Variants in CCDC60 observed in about 807,000 individuals in gnomAD.
CCDC60 encodes coiled-coil domain containing 60, also known as coiled-coil domain-containing protein 60.
Under a neutral mutation model 63.5 loss-of-function variants are expected in CCDC60, and 54 were observed. The ratio of observed to expected loss-of-function variants is 0.85; its 90% confidence interval spans 0.68 to 1.07. CCDC60 has a LOEUF of 1.07. Ranked by LOEUF, CCDC60 falls within the 50% of genes least tolerant of loss-of-function variation. The pLI is 0.00. For missense variants in CCDC60, 651 were observed against 684.3 expected (o/e 0.95, Z 0.54); for synonymous variants, 206 against 238.8 (o/e 0.86, Z 1.27).
intron 2 of CCDC60, among the ~76,000 whole-genome samples, chr12:119,434,346 T>A (rs1950289085): frequency 6.6e-6 from 1 of 152,214 alleles, no homozygotes; most frequent in South Asian, 2.1e-4. Context: ...CTCATTCATT[T>A]TTTTTTGACA....
At chr12:119,486,291 C>T (rs1285320526) in intron 4 of CCDC60, among the ~76,000 whole-genome samples, 1 of 152,160 alleles carries the variant, frequency 6.6e-6, no homozygotes, top group Non-Finnish European at 1.5e-5. Context: ...AATCCCAGAG[C>T]TTTGGGAGGC....
intron 1 of CCDC60, among the ~76,000 whole-genome samples, chr12:119,339,723 G>C (rs567807911): frequency 6.6e-6 from 1 of 152,254 alleles, no homozygotes; most frequent in Admixed American, 6.5e-5. Context: ...CAGGAGGCTT[G>C]CTTGAGCCCA....
intron 7 of CCDC60, among the ~76,000 whole-genome samples, chr12:119,506,184 C>T (rs1442045480): frequency 6.6e-6 from 1 of 152,100 alleles, no homozygotes; most frequent in East Asian, 1.9e-4. Flanking sequence ...CACAAACTTG[C>T]TTTCTGTCTC....
chr12:119,370,103 C>T (rs1382400631), intron 1 of CCDC60, among the ~76,000 whole-genome samples: 3 of 152,168 alleles, frequency 2.0e-5, no homozygotes. Context: ...TAACGTGTTC[C>T]AACATGCCTG....
intron 1 of CCDC60, among the ~76,000 whole-genome samples, chr12:119,362,223 G>A (rs1955798402): frequency 6.6e-6 from 1 of 152,036 alleles, no homozygotes; most frequent in South Asian, 2.1e-4. Context: ...GGGGCTTAGG[G>A]GAGACTCAGC....
At chr12:119,447,494 G>C (rs1334996605) in intron 2 of CCDC60, among the ~76,000 whole-genome samples, 1 of 152,078 alleles carries the variant, frequency 6.6e-6, no homozygotes, top group Admixed American at 6.5e-5. Flanking sequence ...ATAAACCAGG[G>C]GGTAATTTGG....
At chr12:119,407,097 G>A (rs557763511) in intron 1 of CCDC60, among the ~76,000 whole-genome samples, 1 of 152,166 alleles carries the variant, frequency 6.6e-6, no homozygotes, top group Non-Finnish European at 1.5e-5. Flanking sequence ...CCATAGGGGG[G>A]TATATTCTGA....
chr12:119,535,684 T>A (rs925720856), intron 13 of CCDC60, among the ~76,000 whole-genome samples: 1 of 152,224 alleles, frequency 6.6e-6, no homozygotes. Context: ...CCAGTAGTCA[T>A]TCAGGAGCAG....
At chr12:119,507,579 CACATATATATACATATAT>C (rs1566050510) in intron 7 of CCDC60, among the ~76,000 whole-genome samples, 402 of 30,790 alleles carry the variant, frequency 0.013, 26 homozygotes, top group East Asian at 0.068. Flanking sequence ...TGTATATATA[CACATATATATACATATAT>C]ATATATATAT....
intron 1 of CCDC60, among the ~76,000 whole-genome samples, chr12:119,337,824 T>TTGTGTGTGTGTGTG (rs60009617): frequency 8.5e-5 from 12 of 140,548 alleles, no homozygotes; most frequent in Non-Finnish European, 1.6e-4. Flanking sequence ...GTGTGTGTAT[T>TTGTGTGTGTGTGTG]TGTGTGTGTG....
chr12:119,429,518 G>T (rs1956959579), intron 2 of CCDC60: 1 of 152,206 alleles, frequency 6.6e-6, no homozygotes, highest in Admixed American at 6.5e-5. Flanking sequence ...TGCTGAGAGG[G>T]GTAATCTAGG....
chr12:119,485,241 T>C (rs1025060680), intron 4 of CCDC60, among the ~76,000 whole-genome samples: 1 of 152,238 alleles, frequency 6.6e-6, no homozygotes, highest in Non-Finnish European at 1.5e-5. Context: ...ACAGGGCCAG[T>C]AGATGGCAAA....
chr12:119,476,549 C>T (rs1027198343), intron 3 of CCDC60, among the ~76,000 whole-genome samples: 3 of 152,200 alleles, frequency 2.0e-5, no homozygotes, highest in East Asian at 1.9e-4. Flanking sequence ...AAACCCCTAA[C>T]GTGTGTCCCA....
intron 1 of CCDC60, among the ~76,000 whole-genome samples, chr12:119,359,938 T>C (rs915076324): frequency 6.6e-5 from 10 of 151,982 alleles, no homozygotes; most frequent in African/African-American, 2.4e-4. Flanking sequence ...TACTTCTTTC[T>C]ACACAGACAC....
intron 1 of CCDC60, among the ~76,000 whole-genome samples, chr12:119,346,808 C>CTTTCTTTCTTTT (rs1955600066): frequency 7.7e-6 from 1 of 130,200 alleles, no homozygotes; most frequent in Non-Finnish European, 1.8e-5. Context: ...TTCTTTCTTT[C>CTTTCTTTCTTTT]TTTCTTTCTT....
At chr12:119,367,247 A>G (rs1955850286) in intron 1 of CCDC60, among the ~76,000 whole-genome samples, 1 of 152,220 alleles carries the variant, frequency 6.6e-6, no homozygotes, top group African/African-American at 2.4e-5. Context: ...CCTGCATTTT[A>G]CAGCCAAAGA....
chr12:119,369,954 T>C (rs957341365), intron 1 of CCDC60, among the ~76,000 whole-genome samples: 1 of 152,176 alleles, frequency 6.6e-6, no homozygotes, highest in Admixed American at 6.5e-5. Context: ...GGATTTCAAA[T>C]GTAAATGTCT....
At chr12:119,382,724 G>A (rs1053601543) in intron 1 of CCDC60, among the ~76,000 whole-genome samples, 1 of 152,220 alleles carries the variant, frequency 6.6e-6, no homozygotes, top group South Asian at 2.1e-4. Context: ...TCTGTTATGA[G>A]GAATTTTGAC....
intron 2 of CCDC60, among the ~76,000 whole-genome samples, chr12:119,455,834 AGAAGAAG>A (rs1950721289): frequency 6.7e-6 from 1 of 149,280 alleles, no homozygotes; most frequent in African/African-American, 2.5e-5. Context: ...AGGAAGGAGA[AGAAGAAG>A]GAAGGAAGGA....
Sources: gnomAD v4.1 joint callset for allele counts (sites outside exome capture counted in the v4.1 genomes callset) on GRCh38, gnomAD v4.1.1 for gene constraint, MANE v1.5 for transcripts, NCBI Gene and HGNC (gene_info 2026-07-23, HGNC 2026-07-21) for gene names.